Variants in NIN observed in about 807,000 individuals in gnomAD.
NIN encodes the protein glycogen synthase kinase 3 beta-interacting protein.
NIN carries 137 observed loss-of-function variants against 257.6 expected under a neutral mutation model. The ratio of observed to expected loss-of-function variants is 0.53; its 90% CI spans 0.46 to 0.61. The LOEUF (loss-of-function observed/expected upper bound fraction) is 0.61. NIN is among the 20% of genes least tolerant of loss of function. NIN has a pLI of 0.00. For synonymous variants in NIN, 918 were observed against 919.8 expected, an observed-to-expected ratio of 1.00 and a Z score of 0.04; for missense variants, 2,439 against 2,501.2, an observed-to-expected ratio of 0.98 and a Z score of 0.53.
chr14:50,725,844 C>G (rs752252644), intron 30 of NIN, 109 bp downstream of exon 30: 1 of 1,579,202 alleles, frequency 6.3e-7, no homozygotes, highest in Admixed American at 1.8e-5. Flanking sequence ...ATAGAATTTG[C>G]CTTTATTAGA....
In NIN at chr14:50,760,059, G is replaced by T; in HGVS notation, c.2197C>A (p.Gln733Lys). Residue 733 changes from glutamine to lysine, a missense_variant, in exon 17 of 31, where the codon CAG becomes AAG. By Grantham distance (53) the Gln-to-Lys change is moderately conservative. This residue lies in a region of NIN where 2,043 missense variants were observed against 2,050.2 expected (regional missense o/e 1.00). Transcript: ENST00000530997. The part of the protein sequence containing the change: ...HEMELKARLT[Q>K]AQASFERERE... Reference sequence around the variant, plus strand: ...TCCCGCTCAAAGCTTGCTTGAGCCTGTGTCAGTCTAGCCTTGAGCTCCATC... The same window carrying T: ...TCCCGCTCAAAGCTTGCTTGAGCCTTTGTCAGTCTAGCCTTGAGCTCCATC... 1 of 1,614,170 alleles carries T rather than the reference G, an allele frequency of 6.2e-7. No homozygotes were observed. Among genetic ancestry groups the T allele is most frequent in the Non-Finnish European group, 8.5e-7 (1 of 1,180,036 alleles).
chr14:50,731,692 G>A (rs1361450290), intron 28 of NIN, among the ~76,000 whole-genome samples: 1 of 152,188 alleles, frequency 6.6e-6, no homozygotes, highest in African/African-American at 2.4e-5. Context: ...CAGGCATGGT[G>A]GTGGGCGCCT....
intron 3 of NIN, among the ~76,000 whole-genome samples, chr14:50,810,047 C>T (rs1052958827): frequency 1.3e-4 from 19 of 151,958 alleles, no homozygotes; most frequent in African/African-American, 2.2e-4. Context: ...CTGGCTAACA[C>T]GGTGAAACCC....
intron 25 of NIN, 151 bp from the exon 26 acceptor site, chr14:50,739,638 CATATAA>C (rs2041176149): frequency 3.2e-6 from 2 of 620,568 alleles, no homozygotes; most frequent in South Asian, 4.4e-5. Flanking sequence ...TGTGTATGTA[CATATAA>C]ATATGAATAA....
intron 7 of NIN, among the ~76,000 whole-genome samples, chr14:50,775,539 C>A (rs1408956455): frequency 6.6e-6 from 1 of 152,134 alleles, no homozygotes; most frequent in African/African-American, 2.4e-5. Flanking sequence ...GCTAGTAATA[C>A]TAAGTACTAT....
In NIN at chr14:50,756,519, TCA is replaced by T. The variant is rs2042034222; in HGVS notation, c.4509_4510del (p.Ser1503ArgfsTer7). On this transcript the variant is annotated frameshift_variant, in exon 18 of 31. Transcript: ENST00000530997. LOFTEE classifies it high-confidence loss of function. ...CAGAAGTTCAACTTTTTGCTGCATC[TCA>T]CTGCACGTGATCTGCAAGTCATGCA... The T allele has an allele frequency of 1.2e-6, 2 of 1,609,054 alleles. No individual in the cohort carries two copies. Among genetic ancestry groups the T allele is most frequent in the Non-Finnish European group, 1.7e-6 (2 of 1,177,908 alleles).
chr14:50,732,272 A>T (rs1187043300), intron 28 of NIN, among the ~76,000 whole-genome samples: 1 of 152,116 alleles, frequency 6.6e-6, no homozygotes, highest in East Asian at 1.9e-4. Context: ...GAATCCAGAG[A>T]TTCTGATATA....
At position 50,722,712 on chromosome 14, in the gene NIN, A is replaced by G; in HGVS notation, c.*751T>C. 1 of 217,034 alleles carries G rather than the reference A, an allele frequency of 4.6e-6. No individual in the cohort carries two copies. Among genetic ancestry groups the G allele is most frequent in the Non-Finnish European group, 9.3e-6 (1 of 107,472 alleles). 13.4% of individuals were successfully genotyped at this position (217,034 alleles called of 1,614,324 possible). ...GCTTTCCCTATAGTTCAACTGCTTT[A>G]ATTATGTGGCTTTATCCGTTTCTTA... On this transcript the variant is annotated 3_prime_UTR_variant, in exon 31 of 31. Coordinates refer to ENST00000530997, the MANE Select transcript of NIN (RefSeq NM_020921.4).
At chr14:50,796,695 T>A (rs7145411) in intron 4 of NIN, among the ~76,000 whole-genome samples, 29,094 of 151,886 alleles carry the variant, frequency 0.19, 2,880 homozygotes, top group South Asian at 0.24. Context: ...CCACTCAGAG[T>A]AGATAAGCCA....
chr14:50,744,980 C>A (rs995064434), intron 22 of NIN, among the ~76,000 whole-genome samples: 4 of 152,114 alleles, frequency 2.6e-5, no homozygotes, highest in African/African-American at 9.7e-5. Flanking sequence ...CAAGTAACAA[C>A]CCAAAGGCAA....
chr14:50,777,045 A>G lies in NIN; in HGVS notation c.570T>C (p.Val190=). 6.2e-7 allele frequency: 1 copy of G among 1,614,218 alleles called. No homozygotes were observed. The change falls in exon 7 of 31, where the codon GTT becomes GTC. Residue 190 remains valine (V), a synonymous_variant. Coordinates refer to ENST00000530997, the MANE Select transcript of NIN (RefSeq NM_020921.4). ...CACGGGTGATCCCCAAATCTTCACA[A>G]ACTTCTTGCAGTTTCTCTTCTATCC... is the stretch of plus-strand genomic sequence containing the variant. The part of the protein sequence containing the change: ...QDWIEEKLQE[V]CEDLGITRDG...
At chr14:50,786,888 A>G (rs1595869383) in intron 5 of NIN, among the ~76,000 whole-genome samples, 1 of 152,258 alleles carries the variant, frequency 6.6e-6, no homozygotes, top group East Asian at 1.9e-4. Flanking sequence ...CATACATGAA[A>G]ATGAACATAA....
chr14:50,729,502 A>G (rs1206978007), intron 29 of NIN, 21 bp downstream of exon 29: 1 of 1,597,772 alleles, frequency 6.3e-7, no homozygotes, highest in Non-Finnish European at 8.6e-7. Context: ...GTGATCTACT[A>G]GAGTAGAGAG....
intron 3 of NIN, among the ~76,000 whole-genome samples, chr14:50,814,439 T>G (rs889853859): frequency 5.3e-5 from 8 of 152,202 alleles, no homozygotes; most frequent in African/African-American, 1.7e-4. Context: ...TGATAAGCCT[T>G]TGATACACAC....
chr14:50,757,443 A>G lies in NIN; in HGVS notation c.3587T>C (p.Leu1196Pro), dbSNP rs762700498. The G allele has an allele frequency of 5.0e-6, 8 of 1,614,134 alleles. No homozygotes were observed. Among genetic ancestry groups the G allele is most frequent in the South Asian group, 2.2e-5 (2 of 91,076 alleles). ...CTGAAGCTGACTAATCTGATTCTTC[A>G]GCTCCCAGGATTCAGTCCTGGTCTC... ...SEETRTESWE[L>P]KNQISQLQEQ... is the part of the protein sequence containing the mutation. The change falls in exon 18 of 31, where the codon CTG becomes CCG. Residue 1196 changes from leucine (L) to proline (P), a missense_variant. Leu to Pro is a moderately conservative substitution (Grantham distance 98). Coordinates refer to ENST00000530997, the MANE Select transcript of NIN (RefSeq NM_020921.4).
intron 4 of NIN, among the ~76,000 whole-genome samples, chr14:50,801,548 T>TCA (rs1229654801): frequency 1.3e-5 from 2 of 152,192 alleles, no homozygotes; most frequent in Non-Finnish European, 2.9e-5. Flanking sequence ...TCTCCTAAAA[T>TCA]CAGGGACTTC....
chr14:50,812,670 A>T (rs2099122266), intron 3 of NIN, among the ~76,000 whole-genome samples: 1 of 152,204 alleles, frequency 6.6e-6, no homozygotes, highest in South Asian at 2.1e-4. Context: ...CTACTTGGCC[A>T]ATAGGGAGGA....
At chr14:50,761,949 T>C (rs769572958) in intron 15 of NIN, 38 bp from the exon 16 acceptor site, 1 of 1,612,282 alleles carries the variant, frequency 6.2e-7, no homozygotes, top group Admixed American at 1.7e-5. Flanking sequence ...TGCAGCAGGT[T>C]CTTTCAATAA....
intron 5 of NIN, among the ~76,000 whole-genome samples, chr14:50,789,424 T>C (rs1345493405): frequency 1.3e-5 from 2 of 152,108 alleles, no homozygotes; most frequent in Non-Finnish European, 2.9e-5. Context: ...AATACAAAAA[T>C]TAGCCAGGCA....
Sources: gnomAD v4.1 joint callset for allele counts (sites outside exome capture counted in the v4.1 genomes callset) on GRCh38, gnomAD v4.1.1 for gene constraint, gnomAD v4.1.1 regional missense constraint, MANE v1.5 for transcripts, NCBI Gene and HGNC (gene_info 2026-07-23, HGNC 2026-07-21) for gene names.